The following CENPK variants were observed in gnomAD, a reference collection of about 807,000 sequenced individuals.
CENPK encodes SoxLZ/Sox6-binding protein Solt.
CENPK carries 46 observed loss-of-function variants against 40.9 expected under a neutral mutation model. The observed-to-expected ratio is 1.13, with a 90% CI of 0.89 to 1.44. The LOEUF (loss-of-function observed/expected upper bound fraction) is 1.44, where lower values mean the gene tolerates loss of function less well. Among genes scored for constraint, CENPK ranks in the 40% most tolerant of loss-of-function variants. CENPK has a pLI of 0.00. For synonymous variants in CENPK, 107 were observed against 104.4 expected (o/e 1.02, Z -0.15); for missense variants, 288 against 303.5 (o/e 0.95, Z 0.38).
intron 8 of CENPK, 151 bp from the exon 9 acceptor site, chr5:65,528,729 T>C (rs1745193134): frequency 1.7e-6 from 2 of 1,150,618 alleles, no homozygotes; most frequent in Non-Finnish European, 2.4e-6. Context: ...ATTGTCTATA[T>C]AACAAGTAGA....
At chr5:65,549,904 T>C (rs1749667183) in intron 5 of CENPK, among the ~76,000 whole-genome samples, 1 of 152,156 alleles carries the variant, frequency 6.6e-6, no homozygotes, top group South Asian at 2.1e-4. Context: ...TTTAATTTCC[T>C]TTAAAAATTT....
chr5:65,507,659 T>C, the CENPK span, among the ~76,000 whole-genome samples: 1 of 152,208 alleles, frequency 6.6e-6, no homozygotes, highest in Non-Finnish European at 1.5e-5. Flanking sequence ...CAATTATGTG[T>C]AACATTTTAT....
chr5:65,542,509 T>C (rs1748150383), intron 6 of CENPK, among the ~76,000 whole-genome samples: 1 of 151,938 alleles, frequency 6.6e-6, no homozygotes, highest in South Asian at 2.1e-4. Context: ...TGGTGGTGCA[T>C]GCCTGTAATC....
the CENPK span, among the ~76,000 whole-genome samples, chr5:65,503,966 A>AT: frequency 1.6e-4 from 19 of 115,778 alleles, no homozygotes; most frequent in Non-Finnish European, 2.4e-4. Context: ...TGCTAAAAAA[A>AT]TTTTTTTTTT....
intron 4 of CENPK, 135 bp from the exon 5 acceptor site, chr5:65,551,771 A>T (rs1378224675): frequency 1.1e-5 from 5 of 444,924 alleles, no homozygotes; most frequent in African/African-American, 1.0e-4. Flanking sequence ...TCCAGAGGCA[A>T]CTTTATTTTA....
chr5:65,499,152 A>G, the CENPK span, among the ~76,000 whole-genome samples: 5 of 150,650 alleles, frequency 3.3e-5, no homozygotes, highest in African/African-American at 1.2e-4. Flanking sequence ...TTGGGATTAC[A>G]GTCGTGAGCC....
chr5:65,498,106 G>A, the CENPK span, among the ~76,000 whole-genome samples: 20 of 151,880 alleles, frequency 1.3e-4, no homozygotes, highest in Non-Finnish European at 2.5e-4. Context: ...TTGCATCTAC[G>A]TTCATAAGAC....
downstream of CENPK, among the ~76,000 whole-genome samples, chr5:65,514,267 TTTTTA>T (rs1742709155): frequency 7.5e-5 from 6 of 79,700 alleles, no homozygotes; most frequent in African/African-American, 2.4e-4. Context: ...TTTTTAGTTT[TTTTTA>T]GTTTTTTTTG....
intron 6 of CENPK, among the ~76,000 whole-genome samples, chr5:65,539,047 G>A (rs1392580493): frequency 2.0e-5 from 3 of 152,088 alleles, no homozygotes; most frequent in South Asian, 2.1e-4. Flanking sequence ...TCTACAACTT[G>A]TAAAAGTTTC....
chr5:65,533,838 CGA>C (rs1307556574), intron 6 of CENPK, among the ~76,000 whole-genome samples: 5 of 151,720 alleles, frequency 3.3e-5, no homozygotes, highest in Admixed American at 3.3e-4. Context: ...GTCAGGAGAT[CGA>C]GACCATCCTG....
At chr5:65,511,965 G>C in the CENPK span, among the ~76,000 whole-genome samples, 897 of 152,322 alleles carry the variant, frequency 5.9e-3, 4 homozygotes, top group African/African-American at 0.021. Flanking sequence ...TTAAGAACAT[G>C]TGCAATTCAT....
At chr5:65,559,664 C>T (rs1751628944) in intron 2 of CENPK, among the ~76,000 whole-genome samples, 1 of 150,178 alleles carries the variant, frequency 6.7e-6, no homozygotes, top group Admixed American at 6.6e-5. Context: ...CATGGAAGCA[C>T]AAAGGGCCAA....
the CENPK span, among the ~76,000 whole-genome samples, chr5:65,505,959 C>G: frequency 6.6e-6 from 1 of 152,158 alleles, no homozygotes; most frequent in East Asian, 1.9e-4. Context: ...CTGACTCTAG[C>G]CAGTTAAGAG....
intron 2 of CENPK, among the ~76,000 whole-genome samples, chr5:65,560,069 A>C (rs1348318545): frequency 6.6e-6 from 1 of 152,138 alleles, no homozygotes; most frequent in Non-Finnish European, 1.5e-5. Context: ...AAATAGGATG[A>C]AAACACAGAA....
intron 6 of CENPK, among the ~76,000 whole-genome samples, chr5:65,537,330 A>C (rs892164580): frequency 6.6e-6 from 1 of 152,078 alleles, no homozygotes; most frequent in Admixed American, 6.5e-5. Context: ...TTTGAGACGG[A>C]GTCTCGCTCT....
chr5:65,538,414 T>C (rs1454885381), intron 6 of CENPK, among the ~76,000 whole-genome samples: 1 of 152,192 alleles, frequency 6.6e-6, no homozygotes, highest in Non-Finnish European at 1.5e-5. Context: ...GGACTCCATA[T>C]ATTATTACTT....
intron 6 of CENPK, among the ~76,000 whole-genome samples, chr5:65,537,052 G>C (rs1747041285): frequency 6.6e-6 from 1 of 152,176 alleles, no homozygotes; most frequent in African/African-American, 2.4e-5. Context: ...AATACAGTAA[G>C]ATGGCCTTCC....
At chr5:65,506,784 CA>C in the CENPK span, among the ~76,000 whole-genome samples, 2,293 of 133,306 alleles carry the variant, frequency 0.017, 48 homozygotes, top group African/African-American at 0.054. Context: ...CACTTGGTCT[CA>C]AAAAAAAAAA....
the CENPK span, among the ~76,000 whole-genome samples, chr5:65,505,266 A>G: frequency 6.6e-6 from 1 of 152,140 alleles, no homozygotes; most frequent in Non-Finnish European, 1.5e-5. Flanking sequence ...GAGATATATA[A>G]TTACTGTCCT....
Sources: allele counts gnomAD v4.1 joint callset (sites outside exome capture counted in the v4.1 genomes callset), GRCh38; gene constraint gnomAD v4.1.1; transcripts MANE v1.5; gene names NCBI Gene and HGNC (gene_info 2026-07-23, HGNC 2026-07-21).